The following GPC5 variants were observed in gnomAD, a reference collection of about 807,000 sequenced individuals.
GPC5 encodes the protein glypican 5.
Under a neutral mutation model 53.9 loss-of-function variants are expected in GPC5, and 47 were observed. The observed-to-expected ratio is 0.87, with a 90% CI of 0.69 to 1.11. The LOEUF (loss-of-function observed/expected upper bound fraction) is 1.11. Among genes scored for constraint, GPC5 ranks in the 50% most tolerant of loss-of-function variants. The pLI is 0.00. For missense variants in GPC5, 748 were observed against 713.1 expected (o/e 1.05, Z -0.56); for synonymous variants, 286 against 263.3 (o/e 1.09, Z -0.84).
At chr13:92,537,524 A>T (rs146217216) in intron 7 of GPC5, among the ~76,000 whole-genome samples, 2,168 of 152,250 alleles carry the variant, frequency 0.014, 22 homozygotes, top group Non-Finnish European at 0.024. Context: ...CCAGGTATTG[A>T]GTAAAATATG....
intron 7 of GPC5, among the ~76,000 whole-genome samples, chr13:92,496,800 G>T (rs1879996829): frequency 6.6e-6 from 1 of 152,108 alleles, no homozygotes; most frequent in Non-Finnish European, 1.5e-5. Flanking sequence ...TAGAGAAGAG[G>T]CTGAGTTAGC....
intron 3 of GPC5, among the ~76,000 whole-genome samples, chr13:91,700,045 G>A (rs1170144666): frequency 6.6e-6 from 1 of 152,088 alleles, no homozygotes; most frequent in Non-Finnish European, 1.5e-5. Context: ...ACTCTGTTGA[G>A]GTAGTTCTGT....
At chr13:92,550,084 G>A (rs1459945827) in intron 7 of GPC5, among the ~76,000 whole-genome samples, 1 of 151,562 alleles carries the variant, frequency 6.6e-6, no homozygotes, top group Non-Finnish European at 1.5e-5. Context: ...TCAGGGTTTT[G>A]ATTTTAAGTG....
intron 7 of GPC5, among the ~76,000 whole-genome samples, chr13:92,282,807 A>G (rs536879393): frequency 5.0e-4 from 76 of 152,360 alleles, no homozygotes; most frequent in Non-Finnish European, 9.0e-4. Context: ...TGTAAAGACC[A>G]TCGATGCTAG....
chr13:92,558,310 TTTAAAG>T (rs1407789872), intron 7 of GPC5, among the ~76,000 whole-genome samples: 1 of 152,054 alleles, frequency 6.6e-6, no homozygotes, highest in African/African-American at 2.4e-5. Context: ...TTCTTCATTC[TTTAAAG>T]TTAATTTATG....
At chr13:91,446,626 GGGCTTTATATCA>G (rs1360982241) in intron 1 of GPC5, among the ~76,000 whole-genome samples, 15 of 152,132 alleles carry the variant, frequency 9.9e-5, no homozygotes, top group African/African-American at 3.6e-4. Context: ...ATAGGAGCCT[GGGCTTTATATCA>G]CCCAAACATC....
At chr13:92,374,558 A>G (rs2043677248) in intron 7 of GPC5, among the ~76,000 whole-genome samples, 1 of 151,990 alleles carries the variant, frequency 6.6e-6, no homozygotes, top group South Asian at 2.1e-4. Flanking sequence ...TTTTAGGGAC[A>G]TGGATGAAAT....
At chr13:91,807,274 C>G (rs1420663785) in intron 5 of GPC5, among the ~76,000 whole-genome samples, 5 of 152,044 alleles carry the variant, frequency 3.3e-5, no homozygotes, top group Non-Finnish European at 7.4e-5. Flanking sequence ...TTATAATCAC[C>G]CCACATCTTG....
At chr13:91,535,729 T>G (rs1011174138) in intron 2 of GPC5, among the ~76,000 whole-genome samples, 1 of 152,110 alleles carries the variant, frequency 6.6e-6, no homozygotes, top group African/African-American at 2.4e-5. Context: ...AGGGAGGCTT[T>G]GGGTCTTTAG....
chr13:92,364,679 T>G (rs918834506), intron 7 of GPC5, among the ~76,000 whole-genome samples: 15 of 151,718 alleles, frequency 9.9e-5, no homozygotes, highest in African/African-American at 2.9e-4. Context: ...GCAGTGAGCC[T>G]AGATCGCGCC....
intron 6 of GPC5, among the ~76,000 whole-genome samples, chr13:92,137,059 GT>G (rs112520958): frequency 0.013 from 1,878 of 147,146 alleles, 38 homozygotes; most frequent in African/African-American, 0.044. Context: ...TCCGAAAGTT[GT>G]TTTTTTTTTT....
chr13:92,466,350 G>C (rs1282867709), intron 7 of GPC5, among the ~76,000 whole-genome samples: 1 of 151,950 alleles, frequency 6.6e-6, no homozygotes, highest in Admixed American at 6.6e-5. Context: ...CAAAATTATG[G>C]ATCACTCCAG....
At chr13:92,763,702 G>A (rs1292718861) in intron 7 of GPC5, among the ~76,000 whole-genome samples, 4 of 152,092 alleles carry the variant, frequency 2.6e-5, no homozygotes, top group African/African-American at 9.7e-5. Flanking sequence ...GATGTAAAAT[G>A]TCCAAAAAGC....
Position 92,306,335 on chromosome 13 carries a change from G to C in GPC5, c.1561+161346G>C, listed in dbSNP as rs1010029141. 5.9e-5 allele frequency among the ~76,000 whole-genome samples: 9 copies of C among 152,142 alleles called. No individual in the cohort carries two copies. In the South Asian group the frequency reaches 1.9e-3, roughly 31 times the overall value. On this transcript the variant is annotated intron_variant, in intron 7 of 7. Coordinates refer to ENST00000377067, the MANE Select transcript of GPC5 (RefSeq NM_004466.6). ...TCTGCAATATAATTTGCAAATTAAA[G>C]GTGGACCTTCTTTTGAGATGTTTAA...
intron 6 of GPC5, among the ~76,000 whole-genome samples, chr13:92,132,946 A>G (rs1417259591): frequency 6.6e-6 from 1 of 152,166 alleles, no homozygotes; most frequent in Non-Finnish European, 1.5e-5. Flanking sequence ...GAGACATATT[A>G]GAATTGAAAA....
At chr13:92,837,773 C>G (rs1456582855) in intron 7 of GPC5, among the ~76,000 whole-genome samples, 2 of 152,106 alleles carry the variant, frequency 1.3e-5, no homozygotes, top group Non-Finnish European at 2.9e-5. Flanking sequence ...TGGAATAAAC[C>G]AGAGGTAAAG....
chr13:91,580,879 A>G (rs868590259), intron 2 of GPC5, among the ~76,000 whole-genome samples: 1 of 152,242 alleles, frequency 6.6e-6, no homozygotes, highest in African/African-American at 2.4e-5. Context: ...GAGACTGGGT[A>G]ATTTATAAAG....
intron 7 of GPC5, among the ~76,000 whole-genome samples, chr13:92,456,196 C>T (rs537515602): frequency 6.6e-6 from 1 of 152,244 alleles, no homozygotes; most frequent in East Asian, 1.9e-4. Flanking sequence ...TAGGTCCTTT[C>T]CTTTCTGCTG....
At chr13:92,750,651 A>G (rs1316515110) in intron 7 of GPC5, among the ~76,000 whole-genome samples, 1 of 152,178 alleles carries the variant, frequency 6.6e-6, no homozygotes, top group Non-Finnish European at 1.5e-5. Context: ...CCTGGTAGTT[A>G]CACTATTTTC....
Sources: gnomAD v4.1 joint callset for allele counts (sites outside exome capture counted in the v4.1 genomes callset) on GRCh38, gnomAD v4.1.1 for gene constraint, MANE v1.5 for transcripts, NCBI Gene and HGNC (gene_info 2026-07-23, HGNC 2026-07-21) for gene names.